OCIAD1: variants seen among roughly 807,000 people sequenced by gnomAD.
OCIAD1 encodes the protein OCIA domain-containing protein 1.
In OCIAD1, 29 loss-of-function variants were observed where a neutral mutation model predicts 38.9. The ratio of observed to expected loss-of-function variants is 0.74; its 90% CI spans 0.55 to 1.02. The LOEUF (loss-of-function observed/expected upper bound fraction) is 1.02, where lower values mean the gene tolerates loss of function less well. Ranked by LOEUF, OCIAD1 falls within the 50% of genes least tolerant of loss-of-function variation. OCIAD1 has a pLI of 0.00. For synonymous variants in OCIAD1, 110 were observed against 92.0 expected (o/e 1.20, Z -1.12); for missense variants, 288 against 289.6 (o/e 0.99, Z 0.04).
intron 4 of OCIAD1, among the ~76,000 whole-genome samples, chr4:48,848,051 T>G (rs1779116641): frequency 6.9e-6 from 1 of 145,084 alleles, no homozygotes; most frequent in African/African-American, 2.5e-5. Context: ...GTTTTGAGCG[T>G]TTTTTTTTTT....
intron 1 of OCIAD1, among the ~76,000 whole-genome samples, chr4:48,817,334 G>A (rs1250991414): frequency 6.6e-6 from 1 of 152,098 alleles, no homozygotes; most frequent in Non-Finnish European, 1.5e-5. Flanking sequence ...CTGGGCGGCT[G>A]TTTGGGCAGA....
chr4:48,843,020 C>G (rs1376852807), intron 4 of OCIAD1, among the ~76,000 whole-genome samples: 1 of 152,090 alleles, frequency 6.6e-6, no homozygotes, highest in Admixed American at 6.5e-5. Flanking sequence ...TCATGGGGAC[C>G]AGGAGTCTGT....
Position 48,842,664 on chromosome 4 carries a change from G to C in OCIAD1, c.168G>C (p.Leu56Phe). 6.4e-7 allele frequency: 1 copy of C among 1,569,328 alleles called. No individual in the cohort carries two copies. Among genetic ancestry groups the C allele is most frequent in the Non-Finnish European group, 8.6e-7 (1 of 1,156,984 alleles). ...RSVPLAATSM[L>F]ITQGLISKGI... ...TGCCTTTGGCTGCAACAAGTATGTT[G>C]ATTACTCAAGGATTAATTAGTAAAG... The change falls in exon 4 of 9, where the codon TTG becomes TTC. Residue 56 changes from leucine to phenylalanine, a missense_variant. Leu to Phe is a conservative substitution (Grantham distance 22, BLOSUM62 0). Coordinates refer to ENST00000264312, the MANE Select transcript of OCIAD1 (RefSeq NM_017830.4).
rs73815340 is a variant in OCIAD1, at chr4:48,808,986, A to G, written c.-103+3656A>G. Among the ~76,000 whole-genome samples the G allele has an allele frequency of 6.6e-3, 1,002 of 152,244 alleles. 14 individuals carry two copies. The highest frequency in any genetic ancestry group is 0.023 in the African/African-American group (961 of 41,548). The stretch of plus-strand genomic sequence containing the variant: ...TTGGTAACCACGTCCTTTTGATTAT[A>G]TGTTTTTATGATTTCTTAAATCTGT... On this transcript the variant is annotated intron_variant, in intron 1 of 6. Coordinates refer to the OCIAD1 transcript ENST00000504654.
rs936460170 is a variant in OCIAD1 at position 48,833,313 on chromosome 4, C to T, written c.59-88C>T. On this transcript the variant is annotated intron_variant, in intron 2 of 8. Transcript: ENST00000264312. ...TTATTTGAGTTTAAAAAATGGGTGC[C>T]TCTTGTTAATGTTTAGGCTAAGATA... 1.4e-5 allele frequency: 11 copies of T among 778,916 alleles called. 3 individuals are homozygous for T. Among genetic ancestry groups the T allele is most frequent in the Non-Finnish European group, 8.6e-6 (4 of 465,846 alleles). 48.3% of individuals were successfully genotyped at this position (778,916 alleles called of 1,614,324 possible). A position where few individuals can be genotyped will look rare whatever the true frequency, so the allele number is the denominator to read the frequency against.
chr4:48,816,480 C>T (rs1324349378), intron 1 of OCIAD1, among the ~76,000 whole-genome samples: 1 of 150,408 alleles, frequency 6.6e-6, no homozygotes, highest in Non-Finnish European at 1.5e-5. Context: ...TTGCAGTGAT[C>T]TGAGATCACG....
chr4:48,814,184 C>T (rs191281379), intron 1 of OCIAD1, among the ~76,000 whole-genome samples: 115 of 150,424 alleles, frequency 7.6e-4, no homozygotes, highest in African/African-American at 2.6e-3. Context: ...AGATGGTTCT[C>T]GGTTTGATTG....
intron 1 of OCIAD1, among the ~76,000 whole-genome samples, chr4:48,810,337 C>T (rs931124025): frequency 2.6e-5 from 4 of 151,580 alleles, no homozygotes; most frequent in Non-Finnish European, 4.4e-5. Context: ...GGCGCGGTGG[C>T]GGGTGCCTGT....
At chr4:48,834,970 C>T (rs1777856066) in intron 3 of OCIAD1, among the ~76,000 whole-genome samples, 1 of 152,174 alleles carries the variant, frequency 6.6e-6, no homozygotes, top group Non-Finnish European at 1.5e-5. Flanking sequence ...GTCTCACTCT[C>T]TTCCCCAGGC....
chr4:48,839,435 C>A (rs1437417903), intron 3 of OCIAD1, among the ~76,000 whole-genome samples: 384 of 118,966 alleles, frequency 3.2e-3, no homozygotes, highest in Admixed American at 3.8e-3. Context: ...GACTTCATCT[C>A]AAAAAAAAAA....
intron 4 of OCIAD1, among the ~76,000 whole-genome samples, chr4:48,843,327 T>G (rs1299654824): frequency 1.3e-5 from 2 of 152,194 alleles, no homozygotes; most frequent in African/African-American, 4.8e-5. Flanking sequence ...GTTGCTTAAT[T>G]CCTTTACTTC....
At position 48,817,047 on chromosome 4, in the gene OCIAD1, A is replaced by G. The variant is rs931229599; in HGVS notation, c.-103+11717A>G. On this transcript the variant is annotated intron_variant, in intron 1 of 6. Coordinates refer to the OCIAD1 transcript ENST00000504654. ...TGGCCTGCAGCTCCCAGCAAGACCAACGCAGAAGGTGGTTGATTTCTGCAT... is the reference window on the plus strand; with the variant it reads ...TGGCCTGCAGCTCCCAGCAAGACCAGCGCAGAAGGTGGTTGATTTCTGCAT... 1.4e-4 allele frequency among the ~76,000 whole-genome samples: 21 copies of G among 152,184 alleles called. 1 individual carries two copies. The highest frequency in any genetic ancestry group is 1.2e-3 in the Admixed American group (18 of 15,280).
intron 8 of OCIAD1, among the ~76,000 whole-genome samples, 184 bp downstream of exon 8, chr4:48,857,549 C>T (rs1780164500): frequency 6.7e-6 from 1 of 149,930 alleles, no homozygotes; most frequent in African/African-American, 2.5e-5. Context: ...GAGACGGAGT[C>T]TTGCTCCGTC....
chr4:48,830,700 AC>A (rs1227099209), upstream of OCIAD1: 1 of 152,192 alleles, frequency 6.6e-6, no homozygotes, highest in African/African-American at 2.4e-5. Context: ...ATTACTTTCT[AC>A]TACTTAGCCT....
chr4:48,857,106 T>C (rs1362523776), intron 7 of OCIAD1, 107 bp from the exon 8 acceptor site: 1 of 542,822 alleles, frequency 1.8e-6, no homozygotes, highest in Admixed American at 3.6e-5. Context: ...TGATTCTTTA[T>C]TCTATTTTGA....
In OCIAD1 at chr4:48,857,321, A is replaced by G. The variant is rs772498577; in HGVS notation, c.656A>G (p.Asp219Gly). 40 of 1,596,862 alleles carry G rather than the reference A, an allele frequency of 2.5e-5. No homozygotes were observed. The South Asian group carries it at 4.2e-4, about 17-fold the overall frequency. The change falls in exon 8 of 9, where the codon GAC becomes GGC. Residue 219 changes from aspartate (D) to glycine (G), a missense_variant. Coordinates refer to ENST00000264312, the MANE Select transcript of OCIAD1 (RefSeq NM_017830.4). ...GAAGTATCTTTAACACAAAAGACTG[A>G]CCCCTCAGTCAGGCCTATGCATGAA... Reference protein sequence around the residue: ...SYEVSLTQKTDPSVRPMHERV... With the variant: ...SYEVSLTQKTGPSVRPMHERV...
chr4:48,831,954 G>A (rs1351648260), intron 1 of OCIAD1, among the ~76,000 whole-genome samples: 1 of 151,990 alleles, frequency 6.6e-6, no homozygotes, highest in Non-Finnish European at 1.5e-5. Context: ...TTGATCTGTT[G>A]GTCTGAGTCC....
chr4:48,808,989 T>C (rs1409650754), intron 1 of OCIAD1, among the ~76,000 whole-genome samples: 1 of 152,178 alleles, frequency 6.6e-6, no homozygotes, highest in Non-Finnish European at 1.5e-5. Flanking sequence ...TGATTATATG[T>C]TTTTATGATT....
chr4:48,840,845 A>G lies in OCIAD1; in HGVS notation c.140-1791A>G, dbSNP rs186236581. Reference sequence around the variant, plus strand: ...AACCTCATCTCTACAAAAAAAAAAAAAAAAAAGAAAAAAGACAAAAAATTA... The same window carrying G: ...AACCTCATCTCTACAAAAAAAAAAAGAAAAAAGAAAAAAGACAAAAAATTA... On this transcript the variant is annotated intron_variant, in intron 3 of 8. Coordinates refer to ENST00000264312, the MANE Select transcript of OCIAD1 (RefSeq NM_017830.4). Among the ~76,000 whole-genome samples the G allele has an allele frequency of 2.6e-5, 4 of 151,628 alleles. No individual in the cohort carries two copies. The East Asian group carries it at 5.8e-4, about 22-fold the overall frequency.
Sources: allele counts gnomAD v4.1 joint callset (sites outside exome capture counted in the v4.1 genomes callset), GRCh38; gene constraint gnomAD v4.1.1; transcripts MANE v1.5; gene names NCBI Gene and HGNC (gene_info 2026-07-23, HGNC 2026-07-21).